The following FAM135A variants were observed in gnomAD, a reference collection of about 807,000 sequenced individuals.
FAM135A encodes the protein protein FAM135A.
FAM135A carries 79 observed loss-of-function variants against 146.8 expected under a neutral mutation model. The observed-to-expected ratio is 0.54, with a 90% CI of 0.45 to 0.65. FAM135A has a LOEUF of 0.65. Among genes scored for constraint, FAM135A ranks in the 30% least tolerant of loss-of-function variants. The pLI, the probability that FAM135A is intolerant of heterozygous loss-of-function variation, is 0.00. For missense variants in FAM135A, 1,623 were observed against 1,758.2 expected, an observed-to-expected ratio of 0.92 and a Z score of 1.38; for synonymous variants, 562 against 603.6, an observed-to-expected ratio of 0.93 and a Z score of 1.01.
At chr6:70,454,026 C>G (rs931057776) in intron 5 of FAM135A, among the ~76,000 whole-genome samples, 1 of 152,204 alleles carries the variant, frequency 6.6e-6, no homozygotes, top group African/African-American at 2.4e-5. Flanking sequence ...TACACTCCCA[C>G]CAACAGTGTA....
intron 5 of FAM135A, among the ~76,000 whole-genome samples, 174 bp from the exon 6 acceptor site, chr6:70,475,236 A>C (rs746883994): frequency 6.6e-6 from 1 of 152,204 alleles, no homozygotes; most frequent in Non-Finnish European, 1.5e-5. Context: ...GTACTTATTT[A>C]TTTTCTAATC....
intron 4 of FAM135A, among the ~76,000 whole-genome samples, chr6:70,440,696 T>G (rs1290189034): frequency 1.3e-5 from 2 of 152,126 alleles, no homozygotes; most frequent in African/African-American, 4.8e-5. Context: ...ATATAAAAAA[T>G]TAAATAATTC....
chr6:70,415,754 A>T (rs1438679698), intron 2 of FAM135A, among the ~76,000 whole-genome samples: 3 of 152,054 alleles, frequency 2.0e-5, no homozygotes, highest in African/African-American at 7.2e-5. Flanking sequence ...TTAAATAGGG[A>T]TTTGTGGTGG....
At chr6:70,472,226 AG>A (rs1390830111) in intron 5 of FAM135A, among the ~76,000 whole-genome samples, 1 of 152,174 alleles carries the variant, frequency 6.6e-6, no homozygotes, top group Non-Finnish European at 1.5e-5. Context: ...TTCTTCAGGC[AG>A]TGGATTCTCA....
intron 21 of FAM135A, among the ~76,000 whole-genome samples, chr6:70,558,615 G>T (rs1439008731): frequency 6.6e-6 from 1 of 152,100 alleles, no homozygotes; most frequent in East Asian, 1.9e-4. Flanking sequence ...TCTGAGACTA[G>T]CTTGGGCAAC....
intron 4 of FAM135A, among the ~76,000 whole-genome samples, chr6:70,443,841 G>A (rs920586710): frequency 6.6e-6 from 1 of 151,836 alleles, no homozygotes; most frequent in African/African-American, 2.4e-5. Context: ...GATGGCCTCA[G>A]AACAAAAGCA....
intron 4 of FAM135A, among the ~76,000 whole-genome samples, chr6:70,449,603 A>G (rs552321301): frequency 1.2e-4 from 18 of 152,210 alleles, no homozygotes; most frequent in African/African-American, 3.4e-4. Context: ...TTAAGGCTAT[A>G]TGTAGTATTC....
intron 20 of FAM135A, among the ~76,000 whole-genome samples, chr6:70,543,992 T>C (rs1798392043): frequency 6.6e-6 from 1 of 152,098 alleles, no homozygotes; most frequent in South Asian, 2.1e-4. Flanking sequence ...CTAATTTAAA[T>C]AAACTCGTTT....
At chr6:70,441,686 T>A (rs1299409011) in intron 4 of FAM135A, among the ~76,000 whole-genome samples, 6 of 99,466 alleles carry the variant, frequency 6.0e-5, no homozygotes, top group South Asian at 3.0e-4. Flanking sequence ...CATTAGCAAA[T>A]TTTTTTTTTT....
chr6:70,539,217 A>G (rs1034597654), intron 20 of FAM135A, among the ~76,000 whole-genome samples: 16 of 152,084 alleles, frequency 1.1e-4, no homozygotes, highest in Non-Finnish European at 2.1e-4. Context: ...GAAAGTGGAG[A>G]CGTAACTGAA....
chr6:70,416,065 A>G (rs1581939003), intron 2 of FAM135A, among the ~76,000 whole-genome samples: 1 of 152,232 alleles, frequency 6.6e-6, no homozygotes, highest in Non-Finnish European at 1.5e-5. Flanking sequence ...TGAAAAGTCT[A>G]GTAGAATGCT....
chr6:70,538,330 T>C lies in FAM135A; in HGVS notation c.4157T>C (p.Leu1386Pro). The C allele has an allele frequency of 6.5e-7, 1 of 1,527,164 alleles. No homozygotes were observed. Among genetic ancestry groups the C allele is most frequent in the Non-Finnish European group, 8.8e-7 (1 of 1,130,666 alleles). 94.6% of individuals were successfully genotyped at this position (1,527,164 alleles called of 1,614,324 possible). A position where few individuals can be genotyped will look rare whatever the true frequency, so the allele number is the denominator to read the frequency against. Residue 1386 changes from leucine to proline, a missense_variant, in exon 20 of 22, where the codon CTT becomes CCT. Physicochemically the swap from Leu to Pro is moderately conservative, Grantham distance 98. Transcript: ENST00000418814. ...FMQKWKKSGS[L>P]LQLTCRDHSD... is the part of the protein sequence containing the mutation. ...CAGAAATGGAAAAAATCAGGTTCGCTTTTGCAGCTGACATGTCGAGATCAC... is the reference window on the plus strand; with the variant it reads ...CAGAAATGGAAAAAATCAGGTTCGCCTTTGCAGCTGACATGTCGAGATCAC...
intron 18 of FAM135A, 41 bp downstream of exon 18, chr6:70,533,895 A>T: frequency 9.3e-7 from 1 of 1,071,618 alleles, no homozygotes; most frequent in South Asian, 2.0e-5. Flanking sequence ...TTATATTTCT[A>T]TGAATTGTAT....
At chr6:70,483,293 T>C (rs1784068475) in intron 10 of FAM135A, among the ~76,000 whole-genome samples, 1 of 152,198 alleles carries the variant, frequency 6.6e-6, no homozygotes, top group Admixed American at 6.5e-5. Flanking sequence ...TATCACTAAA[T>C]TGACTGTTTA....
At position 70,558,289 on chromosome 6, in the gene FAM135A, A is replaced by G. The variant is rs542159537; in HGVS notation, c.4342+1426A>G. Among the ~76,000 whole-genome samples, 471 of 152,186 alleles carry G rather than the reference A, an allele frequency of 3.1e-3. 4 individuals carry two copies. The highest frequency in any genetic ancestry group is 0.011 in the African/African-American group (444 of 41,520). ...TTCTGTGTACTTTTCCCTTCTTGTC[A>G]TTCCTCAGGCAGCATCCTACCTGTC... On this transcript the variant is annotated intron_variant, in intron 21 of 21. Coordinates refer to ENST00000418814, the MANE Select transcript of FAM135A (RefSeq NM_001162529.3).
At chr6:70,450,128 G>T (rs913050121) in intron 4 of FAM135A, among the ~76,000 whole-genome samples, 1 of 152,056 alleles carries the variant, frequency 6.6e-6, no homozygotes, top group African/African-American at 2.4e-5. Context: ...AAGTTGAGTT[G>T]TTTGAATTCC....
Position 70,477,343 on chromosome 6 carries a change from C to G in FAM135A, c.542+11C>G. The G allele has an allele frequency of 6.2e-7, 1 of 1,610,568 alleles. No individual in the cohort carries two copies. The highest frequency in any genetic ancestry group is 2.2e-5 in the East Asian group (1 of 44,752). On this transcript the variant is annotated intron_variant, in intron 8 of 21. Transcript: ENST00000418814. ...CCAGCCACTAATAAGGTAAATTTGA[C>G]TAATATTTTTGTATTAAGCCATTCT...
chr6:70,464,833 ATTTTTTTTTTTT>A (rs67408160), intron 5 of FAM135A, among the ~76,000 whole-genome samples: 7 of 64,322 alleles, frequency 1.1e-4, no homozygotes, highest in Non-Finnish European at 1.9e-4. Context: ...CGCCTGGCCA[ATTTTTTTTTTTT>A]TTTTTTTTTT....
intron 11 of FAM135A, 125 bp downstream of exon 11, chr6:70,491,208 G>A (rs1384440412): frequency 5.2e-6 from 4 of 766,848 alleles, no homozygotes; most frequent in African/African-American, 3.7e-5. Context: ...TAAAATGGTT[G>A]ATCATGGTAG....
Sources: gnomAD v4.1 joint callset for allele counts (sites outside exome capture counted in the v4.1 genomes callset) on GRCh38, gnomAD v4.1.1 for gene constraint, MANE v1.5 for transcripts, NCBI Gene and HGNC (gene_info 2026-07-23, HGNC 2026-07-21) for gene names.